The following COMMD1 variants were observed in gnomAD, a reference collection of about 807,000 sequenced individuals.
COMMD1 encodes the protein COMM domain-containing protein 1.
Under a neutral mutation model 17.2 loss-of-function variants are expected in COMMD1, and 10 were observed. The ratio of observed to expected loss-of-function variants is 0.58; its 90% CI spans 0.36 to 0.99. The LOEUF (loss-of-function observed/expected upper bound fraction) is 0.99, where lower values mean the gene tolerates loss of function less well. Among genes scored for constraint, COMMD1 ranks in the 50% least tolerant of loss-of-function variants. The pLI is 0.01. For missense variants in COMMD1, 270 were observed against 231.8 expected (o/e 1.17, Z -1.07); for synonymous variants, 97 against 91.6 (o/e 1.06, Z -0.34).
intron 2 of COMMD1, among the ~76,000 whole-genome samples, chr2:62,067,589 A>C (rs1357281512): frequency 6.6e-6 from 1 of 152,266 alleles, no homozygotes; most frequent in Non-Finnish European, 1.5e-5. Context: ...GAAGACACAG[A>C]GACCCAGGGA....
At chr2:62,030,642 G>A (rs1209211182) in intron 2 of COMMD1, among the ~76,000 whole-genome samples, 1 of 151,962 alleles carries the variant, frequency 6.6e-6, no homozygotes, top group African/African-American at 2.4e-5. Flanking sequence ...TGTTGTTGTG[G>A]TATTTTCTAC....
intron 1 of COMMD1, among the ~76,000 whole-genome samples, chr2:61,977,361 C>T (rs1166280767): frequency 6.6e-6 from 1 of 150,388 alleles, no homozygotes; most frequent in African/African-American, 2.5e-5. Flanking sequence ...TCTCCTGCCT[C>T]AGCCTCCTGA....
intron 2 of COMMD1, among the ~76,000 whole-genome samples, chr2:62,081,980 G>A (rs1289960678): frequency 1.3e-5 from 2 of 152,112 alleles, no homozygotes; most frequent in African/African-American, 4.8e-5. Flanking sequence ...TGTACAGAGT[G>A]TAAGTCGGGA....
intron 2 of COMMD1, among the ~76,000 whole-genome samples, chr2:62,047,044 A>C (rs1464792319): frequency 6.6e-6 from 1 of 152,042 alleles, no homozygotes; most frequent in Non-Finnish European, 1.5e-5. Context: ...AGTATTCAGG[A>C]GAGTTACGTG....
intron 1 of COMMD1, among the ~76,000 whole-genome samples, chr2:61,957,470 G>C (rs2103685440): frequency 6.6e-6 from 1 of 152,086 alleles, no homozygotes; most frequent in East Asian, 1.9e-4. Context: ...TGTGACTGTG[G>C]TTTTCTGTTT....
At chr2:61,985,173 C>A (rs1365847415) in intron 1 of COMMD1, among the ~76,000 whole-genome samples, 1 of 152,024 alleles carries the variant, frequency 6.6e-6, no homozygotes, top group Non-Finnish European at 1.5e-5. Context: ...GCCTCAGCCT[C>A]CCGAGTAGCT....
chr2:62,060,562 G>A (rs76635290), intron 2 of COMMD1, among the ~76,000 whole-genome samples: 25,080 of 151,942 alleles, frequency 0.17, 2,331 homozygotes, highest in African/African-American at 0.24. Flanking sequence ...ATATTTGTCC[G>A]TTCCACTGAT....
chr2:61,949,005 C>T (rs1367473150), intron 1 of COMMD1, among the ~76,000 whole-genome samples: 1 of 152,182 alleles, frequency 6.6e-6, no homozygotes, highest in Non-Finnish European at 1.5e-5. Flanking sequence ...GGTGTCTTTG[C>T]ACCTATAATT....
At chr2:61,992,773 C>T (rs1458969853) in intron 1 of COMMD1, among the ~76,000 whole-genome samples, 2 of 152,142 alleles carry the variant, frequency 1.3e-5, no homozygotes, top group African/African-American at 4.8e-5. Flanking sequence ...GGTTGAGAAC[C>T]ACTGTTTTGG....
chr2:62,005,374 A>G (rs1343144850), intron 2 of COMMD1, among the ~76,000 whole-genome samples: 2 of 152,172 alleles, frequency 1.3e-5, no homozygotes, highest in Non-Finnish European at 2.9e-5. Context: ...CTCACTCCCT[A>G]TTTAAATTTC....
chr2:61,938,961 C>A (rs1378053642), intron 1 of COMMD1, among the ~76,000 whole-genome samples: 1 of 151,898 alleles, frequency 6.6e-6, no homozygotes, highest in Non-Finnish European at 1.5e-5. Flanking sequence ...ATTATTGTAG[C>A]CAAGAAATAA....
chr2:61,917,555 T>C (rs1048748637), intron 1 of COMMD1, among the ~76,000 whole-genome samples: 2 of 151,654 alleles, frequency 1.3e-5, no homozygotes, highest in African/African-American at 4.8e-5. Context: ...TGAGACGGAG[T>C]CTCGCTGTGT....
At chr2:62,072,072 T>G (rs1319438719) in intron 2 of COMMD1, among the ~76,000 whole-genome samples, 1 of 152,068 alleles carries the variant, frequency 6.6e-6, no homozygotes, top group Admixed American at 6.6e-5. Context: ...TGACAGGTAG[T>G]AGACCCTGAA....
chr2:62,043,229 T>G (rs1390669571), intron 2 of COMMD1, among the ~76,000 whole-genome samples: 1 of 152,214 alleles, frequency 6.6e-6, no homozygotes, highest in African/African-American at 2.4e-5. Flanking sequence ...GCAGTTACTA[T>G]TCACTGAAGA....
At chr2:61,942,740 G>GT (rs367850197) in intron 1 of COMMD1, among the ~76,000 whole-genome samples, 11 of 149,758 alleles carry the variant, frequency 7.3e-5, no homozygotes, top group African/African-American at 2.7e-4. Flanking sequence ...GTTTCACCAT[G>GT]TTGGCCAGGC....
chr2:61,915,203 G>C (rs759501202), intron 1 of COMMD1, among the ~76,000 whole-genome samples: 1 of 151,600 alleles, frequency 6.6e-6, no homozygotes, highest in African/African-American at 2.4e-5. Context: ...ATGGGGTTTC[G>C]TCATGTTGGT....
intron 1 of COMMD1, among the ~76,000 whole-genome samples, chr2:61,934,744 A>T (rs985530628): frequency 6.6e-6 from 1 of 152,194 alleles, no homozygotes; most frequent in Admixed American, 6.5e-5. Context: ...GTCTGTATAG[A>T]GAGGGAAAAC....
chr2:62,070,335 C>T (rs187232945), intron 2 of COMMD1: 3 of 152,176 alleles, frequency 2.0e-5, no homozygotes, highest in Non-Finnish European at 2.9e-5. Context: ...GAAAGAGGAT[C>T]GCTTGAGGTC....
chr2:61,907,475 C>T (rs1669801935), intron 1 of COMMD1, among the ~76,000 whole-genome samples: 1 of 152,158 alleles, frequency 6.6e-6, no homozygotes, highest in South Asian at 2.1e-4. Flanking sequence ...AATTTGACAT[C>T]TGGGTTTTTG....
Sources: gnomAD v4.1 joint callset for allele counts (sites outside exome capture counted in the v4.1 genomes callset) on GRCh38, gnomAD v4.1.1 for gene constraint, MANE v1.5 for transcripts, NCBI Gene and HGNC (gene_info 2026-07-23, HGNC 2026-07-21) for gene names.